Variants in GRK5 observed in about 807,000 individuals in gnomAD.
GRK5 encodes G protein-coupled receptor kinase 5.
Under a neutral mutation model 78.4 loss-of-function variants are expected in GRK5, and 40 were observed. The observed-to-expected ratio is 0.51, with a 90% CI of 0.40 to 0.66. The LOEUF (loss-of-function observed/expected upper bound fraction) is 0.66, where lower values mean the gene tolerates loss of function less well. Among genes scored for constraint, GRK5 ranks in the 30% least tolerant of loss-of-function variants. GRK5 has a pLI of 0.00. For missense variants in GRK5, 598 were observed against 759.9 expected (o/e 0.79, Z 2.50); for synonymous variants, 289 against 296.8 (o/e 0.97, Z 0.27).
chr10:119,214,235 A>G (rs542261617), intron 1 of GRK5, among the ~76,000 whole-genome samples: 5 of 152,204 alleles, frequency 3.3e-5, no homozygotes, highest in South Asian at 2.1e-4. Context: ...TTGGCCTCTC[A>G]AAGTGCTGGG....
chr10:119,265,913 C>A (rs533693291), intron 1 of GRK5, among the ~76,000 whole-genome samples: 1 of 152,292 alleles, frequency 6.6e-6, no homozygotes, highest in South Asian at 2.1e-4. Flanking sequence ...AAGTCCGGGC[C>A]CTGGGATCTG....
intron 3 of GRK5, among the ~76,000 whole-genome samples, chr10:119,390,211 G>C (rs933882978): frequency 6.6e-6 from 1 of 152,068 alleles, no homozygotes; most frequent in African/African-American, 2.4e-5. Flanking sequence ...GTATTAGTCC[G>C]TTTTCAGGCC....
At chr10:119,227,104 C>A (rs1848752937) in intron 1 of GRK5, among the ~76,000 whole-genome samples, 1 of 152,144 alleles carries the variant, frequency 6.6e-6, no homozygotes, top group African/African-American at 2.4e-5. Context: ...GATCCGCCCT[C>A]CTTGGCCTCT....
At chr10:119,395,621 A>G (rs1852036822) in intron 3 of GRK5, among the ~76,000 whole-genome samples, 1 of 152,254 alleles carries the variant, frequency 6.6e-6, no homozygotes, top group Non-Finnish European at 1.5e-5. Flanking sequence ...CCGCTTACTC[A>G]GGCTTTTTAT....
At chr10:119,258,748 C>A (rs1381574737) in intron 1 of GRK5, among the ~76,000 whole-genome samples, 1 of 152,150 alleles carries the variant, frequency 6.6e-6, no homozygotes, top group Admixed American at 6.5e-5. Context: ...GAAACTCCCC[C>A]CACCTCCAGC....
At chr10:119,285,014 C>T (rs1316886809) in intron 1 of GRK5, among the ~76,000 whole-genome samples, 1 of 152,154 alleles carries the variant, frequency 6.6e-6, no homozygotes. Context: ...ACTCCCGGAG[C>T]CCAGAACAGG....
intron 2 of GRK5, among the ~76,000 whole-genome samples, chr10:119,335,519 A>T (rs1287709124): frequency 6.6e-6 from 1 of 152,136 alleles, no homozygotes; most frequent in Non-Finnish European, 1.5e-5. Flanking sequence ...ACCTGCCACC[A>T]CGCCTAGCTA....
intron 4 of GRK5, among the ~76,000 whole-genome samples, chr10:119,409,521 G>A (rs529119197): frequency 1.3e-5 from 2 of 152,298 alleles, no homozygotes; most frequent in South Asian, 2.1e-4. Flanking sequence ...TTGGAGTGGC[G>A]GCAGACAGAA....
At chr10:119,362,431 T>C (rs1851380236) in intron 2 of GRK5, among the ~76,000 whole-genome samples, 1 of 152,268 alleles carries the variant, frequency 6.6e-6, no homozygotes. Flanking sequence ...CCTAATGTGT[T>C]GCCTCGAGTT....
intron 2 of GRK5, among the ~76,000 whole-genome samples, chr10:119,352,206 C>CA (rs1397749100): frequency 1.3e-5 from 2 of 152,172 alleles, no homozygotes; most frequent in African/African-American, 2.4e-5. Context: ...TCTGTGTCAT[C>CA]AGGGTCCTAG....
intron 1 of GRK5, among the ~76,000 whole-genome samples, chr10:119,212,462 T>G (rs1217341479): frequency 6.6e-6 from 1 of 152,208 alleles, no homozygotes; most frequent in African/African-American, 2.4e-5. Flanking sequence ...AATGATACCC[T>G]TTGGATCTGG....
At chr10:119,225,370 G>A (rs1403780365) in intron 1 of GRK5, among the ~76,000 whole-genome samples, 1 of 152,182 alleles carries the variant, frequency 6.6e-6, no homozygotes, top group Non-Finnish European at 1.5e-5. Context: ...CCATCTAGAT[G>A]TGAGGGGTGG....
In GRK5 at chr10:119,378,716, C is replaced by T. The variant is rs1851666001; in HGVS notation, c.149-2099C>T. Among the ~76,000 whole-genome samples the T allele has an allele frequency of 1.3e-5, 2 of 152,382 alleles. No homozygotes were observed. Among genetic ancestry groups the T allele is most frequent in the African/African-American group, 4.8e-5 (2 of 41,598 alleles). ...CTGCGTGGGGGGAAGGCGGTCTCAGCAGCCCTCGGCTGACCAGTCATCCCC... is the reference window on the plus strand; with the variant it reads ...CTGCGTGGGGGGAAGGCGGTCTCAGTAGCCCTCGGCTGACCAGTCATCCCC... On this transcript the variant is annotated intron_variant, in intron 2 of 15. Transcript: ENST00000392870. The surrounding 1 kb of genome is among the most constrained non-coding windows in gnomAD (Gnocchi z 4.5).
At chr10:119,221,217 CT>C (rs1356317708) in intron 1 of GRK5, among the ~76,000 whole-genome samples, 2 of 152,156 alleles carry the variant, frequency 1.3e-5, no homozygotes, top group Non-Finnish European at 2.9e-5. Flanking sequence ...CCATGCACCC[CT>C]GCTACCAATC....
chr10:119,228,430 TAGTG>T (rs1454987596), intron 1 of GRK5, among the ~76,000 whole-genome samples: 4 of 135,582 alleles, frequency 3.0e-5, no homozygotes, highest in Admixed American at 8.0e-5. Context: ...CTGGGCAACA[TAGTG>T]AGACCCAATC....
chr10:119,322,295 G>A (rs1850598992), intron 1 of GRK5, among the ~76,000 whole-genome samples: 1 of 152,096 alleles, frequency 6.6e-6, no homozygotes, highest in Non-Finnish European at 1.5e-5. Flanking sequence ...TTGTTCCAGG[G>A]GTCTGTCCTG....
chr10:119,379,647 C>G lies in GRK5; in HGVS notation c.149-1168C>G, dbSNP rs767410324. ...TCCCACGAACTCATCCGACTGTGTC[C>G]CGTGCAGCTGCAACATCGATGGCCT... On this transcript the variant is annotated intron_variant, in intron 2 of 15. Transcript: ENST00000392870. This position sits in a 1 kb window ranked among gnomAD's most constrained non-coding sequence, Gnocchi z 4.1. Among the ~76,000 whole-genome samples the G allele has an allele frequency of 6.6e-6, 1 of 152,124 alleles. No homozygotes were observed. The highest frequency in any genetic ancestry group is 2.4e-5 in the African/African-American group (1 of 41,410).
At chr10:119,328,318 C>A (rs536313316) in intron 2 of GRK5, among the ~76,000 whole-genome samples, 4 of 152,094 alleles carry the variant, frequency 2.6e-5, no homozygotes, top group Non-Finnish European at 5.9e-5. Flanking sequence ...TTGCAGGGGG[C>A]CTTCAGAGAG....
intron 4 of GRK5, among the ~76,000 whole-genome samples, chr10:119,398,518 C>T (rs1392447194): frequency 3.9e-5 from 6 of 152,346 alleles, no homozygotes; most frequent in Admixed American, 2.6e-4. Context: ...CATCTTCCCA[C>T]GGTGGCTCAG....
Sources: allele counts gnomAD v4.1 joint callset (sites outside exome capture counted in the v4.1 genomes callset), GRCh38; gene constraint gnomAD v4.1.1; non-coding constraint Gnocchi (gnomAD v3.1); transcripts MANE v1.5; gene names NCBI Gene and HGNC (gene_info 2026-07-23, HGNC 2026-07-21).